CFAP57: variants seen among roughly 807,000 people sequenced by gnomAD.
CFAP57 encodes cilia- and flagella-associated protein 57.
In CFAP57, 116 loss-of-function variants were observed where a neutral mutation model predicts 146.8. That is an observed-to-expected ratio of 0.79 (90% CI 0.68 to 0.92). The LOEUF (loss-of-function observed/expected upper bound fraction) is 0.92. CFAP57 is among the 40% of genes least tolerant of loss of function. CFAP57 has a pLI of 0.00. For missense variants in CFAP57, 1,377 were observed against 1,527.2 expected (o/e 0.90, Z 1.64); for synonymous variants, 518 against 552.8 (o/e 0.94, Z 0.88).
intron 9 of CFAP57, among the ~76,000 whole-genome samples, chr1:43,204,963 A>C (rs571411416): frequency 2.0e-4 from 30 of 152,236 alleles, no homozygotes; most frequent in African/African-American, 5.8e-4. Context: ...CGCATTTGGT[A>C]GACTGTTGTG....
chr1:43,220,800 GC>G, intron 13 of CFAP57, among the ~76,000 whole-genome samples: 1 of 34,372 alleles, frequency 2.9e-5, no homozygotes, highest in Middle Eastern at 0.036. Context: ...ATAAAGTTCG[GC>G]TAAAAAAAAA....
At chr1:43,244,889 T>A (rs1328167936) in intron 22 of CFAP57, among the ~76,000 whole-genome samples, 1 of 151,860 alleles carries the variant, frequency 6.6e-6, no homozygotes, top group African/African-American at 2.4e-5. Flanking sequence ...GACAACAGAG[T>A]GAGACTCCAT....
At position 43,222,915 on chromosome 1, in the gene CFAP57, A is replaced by G; in HGVS notation, c.2624A>G (p.Lys875Arg). The change falls in exon 16 of 23, where the codon AAA becomes AGA. Residue 875 changes from lysine to arginine, a missense_variant. Transcript: ENST00000372492. ...GAAGACCGAGAAATCCAAGATATCA[A>G]AACCAAGTATGAGAAAAAGCTTCGG... ...EDEDREIQDI[K>R]TKYEKKLRDE... is the part of the protein sequence containing the mutation. 2 of 1,550,592 alleles carry G rather than the reference A, an allele frequency of 1.3e-6. No homozygotes were observed. Among genetic ancestry groups the G allele is most frequent in the Non-Finnish European group, 1.7e-6 (2 of 1,146,940 alleles).
Position 43,239,711 on chromosome 1 carries a change from G to A in CFAP57, c.3406-3516G>A, listed in dbSNP as rs76442316. The stretch of plus-strand genomic sequence containing the variant: ...TGCTTATTCTGATGATTGTTATTGA[G>A]TTATTTAATGAGGATCAGGAGAAGT... On this transcript the variant is annotated intron_variant, in intron 21 of 22. Transcript: ENST00000372492. 1.7e-4 allele frequency among the ~76,000 whole-genome samples: 26 copies of A among 152,338 alleles called. No homozygotes were observed. The East Asian group carries it at 4.8e-3, about 28-fold the overall frequency.
chr1:43,180,846 A>C (rs1348929668), intron 2 of CFAP57, among the ~76,000 whole-genome samples: 1 of 152,064 alleles, frequency 6.6e-6, no homozygotes, highest in Non-Finnish European at 1.5e-5. Flanking sequence ...GTCTGACCCT[A>C]TTCCACCCCT....
intron 11 of CFAP57, 172 bp downstream of exon 11, chr1:43,210,088 A>G (rs1570110430): frequency 6.2e-7 from 1 of 1,613,622 alleles, no homozygotes; most frequent in East Asian, 2.2e-5. Context: ...TGTTTAAACT[A>G]CTTCCAGGAA....
At position 43,203,880 on chromosome 1, in the gene CFAP57, T is replaced by C. The variant is rs936527826; in HGVS notation, c.1543-2840T>C. On this transcript the variant is annotated intron_variant, in intron 9 of 22. Coordinates refer to ENST00000372492, the MANE Select transcript of CFAP57 (RefSeq NM_001378189.1). Reference sequence around the variant, plus strand: ...TACTTCTTGGATGTGTAGGTTAATGTTTTTCAACAAATTTGAGATTTTTCA... The same window carrying C: ...TACTTCTTGGATGTGTAGGTTAATGCTTTTCAACAAATTTGAGATTTTTCA... Among the ~76,000 whole-genome samples the C allele has an allele frequency of 2.0e-5, 3 of 152,330 alleles. No individual in the cohort carries two copies. The South Asian group carries it at 6.2e-4, about 32-fold the overall frequency.
chr1:43,239,800 C>T (rs1570322016), intron 21 of CFAP57, among the ~76,000 whole-genome samples: 1 of 152,204 alleles, frequency 6.6e-6, no homozygotes, highest in African/African-American at 2.4e-5. Context: ...AAGCTTCCCC[C>T]TGTGGCTCTA....
intron 11 of CFAP57, among the ~76,000 whole-genome samples, chr1:43,212,880 G>A (rs187584061): frequency 4.5e-4 from 68 of 150,176 alleles, no homozygotes; most frequent in African/African-American, 1.5e-3. Context: ...ATTTCAGTGA[G>A]CTGGGAGATC....
intron 6 of CFAP57, among the ~76,000 whole-genome samples, chr1:43,193,338 T>C (rs1643663189): frequency 6.6e-6 from 1 of 152,186 alleles, no homozygotes; most frequent in Admixed American, 6.5e-5. Context: ...TTGGATTGTT[T>C]AATCAGTTCA....
chr1:43,243,959 G>A (rs182184212), intron 22 of CFAP57, among the ~76,000 whole-genome samples: 292 of 152,252 alleles, frequency 1.9e-3, no homozygotes, highest in South Asian at 3.3e-3. Flanking sequence ...AAATATGATC[G>A]TTTATATCAT....
At chr1:43,212,470 A>G (rs969846836) in intron 11 of CFAP57, among the ~76,000 whole-genome samples, 13 of 152,342 alleles carry the variant, frequency 8.5e-5, no homozygotes, top group Admixed American at 6.5e-4. Context: ...TGTTACAGTC[A>G]TAGAGCATGT....
Position 43,197,360 on chromosome 1 carries a change from C to CATAAA in CFAP57, c.1123-176_1123-172dup, listed in dbSNP as rs1042639119. 7.2e-4 allele frequency among the ~76,000 whole-genome samples: 109 copies of CATAAA among 152,014 alleles called. 1 individual carries two copies. The highest frequency in any genetic ancestry group is 2.5e-3 in the African/African-American group (103 of 41,466). On this transcript the variant is annotated intron_variant, in intron 6 of 22. Coordinates refer to ENST00000372492, the MANE Select transcript of CFAP57 (RefSeq NM_001378189.1). ...GGACAGAGCGAGACTCCATCTCAAA[C>CATAAA]ATAAAATAAAATAAAATAAAAAATA...
chr1:43,186,934 A>G, intron 6 of CFAP57, 75 bp downstream of exon 6: 1 of 1,567,632 alleles, frequency 6.4e-7, no homozygotes, highest in East Asian at 2.2e-5. Flanking sequence ...CATGTGGGCA[A>G]ATTTTAATCC....
rs751083106 is a variant in CFAP57 at position 43,221,514 on chromosome 1, T to G, written c.2341+49T>G. 7.6e-6 allele frequency: 10 copies of G among 1,318,606 alleles called. No individual in the cohort carries two copies. The South Asian group carries it at 1.7e-4, about 23-fold the overall frequency. The allele number at this position is 1,318,606 out of a possible 1,614,324, so 81.7% of individuals were successfully genotyped here. A position where few individuals can be genotyped will look rare whatever the true frequency, so the allele number is the denominator to read the frequency against. On this transcript the variant is annotated intron_variant, in intron 14 of 22. Transcript: ENST00000372492. ...GTTGGTTAGGGTTGGAAGAGCTAGG[T>G]TATGGGGAAACACTCAAGAGTCCCC...
intron 9 of CFAP57, among the ~76,000 whole-genome samples, chr1:43,200,789 G>A (rs1255262338): frequency 6.6e-6 from 1 of 152,236 alleles, no homozygotes; most frequent in Admixed American, 6.5e-5. Context: ...AAGGTTGGCT[G>A]CATCGCAGAA....
intron 9 of CFAP57, among the ~76,000 whole-genome samples, chr1:43,202,588 G>C (rs760786437): frequency 1.3e-5 from 2 of 151,854 alleles, no homozygotes; most frequent in African/African-American, 4.8e-5. Context: ...TTCGAGACCA[G>C]CCTGGCCAAC....
intron 21 of CFAP57, 66 bp downstream of exon 21, chr1:43,234,704 G>A (rs889806698): frequency 6.7e-7 from 1 of 1,494,624 alleles, no homozygotes; most frequent in African/African-American, 1.4e-5. Context: ...TCCCATCAAG[G>A]GTCCCTCTGA....
intron 11 of CFAP57, among the ~76,000 whole-genome samples, chr1:43,213,619 A>C (rs1644718304): frequency 6.6e-6 from 1 of 151,766 alleles, no homozygotes; most frequent in Non-Finnish European, 1.5e-5. Context: ...AGTTTTTTTG[A>C]GAAGTCTACA....
Sources: gnomAD v4.1 joint callset for allele counts (sites outside exome capture counted in the v4.1 genomes callset) on GRCh38, gnomAD v4.1.1 for gene constraint, MANE v1.5 for transcripts, NCBI Gene and HGNC (gene_info 2026-07-23, HGNC 2026-07-21) for gene names.